ST7L: variants seen among roughly 807,000 people sequenced by gnomAD.
ST7L encodes suppressor of tumorigenicity 7 protein-like.
In ST7L, 57 loss-of-function variants were observed where a neutral mutation model predicts 72.5. That is an observed-to-expected ratio of 0.79 (90% CI 0.64 to 0.98). ST7L has a LOEUF of 0.98. Among genes scored for constraint, ST7L ranks in the 50% least tolerant of loss-of-function variants. The pLI, the probability that ST7L is intolerant of heterozygous loss-of-function variation, is 0.00. For synonymous variants in ST7L, 221 were observed against 240.9 expected (o/e 0.92, Z 0.77); for missense variants, 576 against 672.2 (o/e 0.86, Z 1.58).
intron 14 of ST7L, chr1:112,527,031 CCCT>C (rs1320740660): frequency 6.6e-6 from 1 of 152,200 alleles, no homozygotes; most frequent in Non-Finnish European, 1.5e-5. Flanking sequence ...TGCTCTCAAC[CCCT>C]CTTTGTTTTC....
At chr1:112,585,270 G>A (rs763083971) in intron 6 of ST7L, among the ~76,000 whole-genome samples, 4 of 152,096 alleles carry the variant, frequency 2.6e-5, no homozygotes, top group African/African-American at 2.4e-5. Context: ...TATCTAAGAC[G>A]GCACTGTCCA....
At chr1:112,548,704 G>A (rs1022934645) in intron 13 of ST7L, among the ~76,000 whole-genome samples, 15 of 152,076 alleles carry the variant, frequency 9.9e-5, no homozygotes, top group African/African-American at 3.4e-4. Context: ...TATAGCCTTC[G>A]GCATGGTTGC....
chr1:112,551,349 C>A (rs908746201), intron 12 of ST7L, among the ~76,000 whole-genome samples: 1 of 151,684 alleles, frequency 6.6e-6, no homozygotes, highest in Non-Finnish European at 1.5e-5. Context: ...GGGGTTTCAC[C>A]GTGTTAGCCA....
At chr1:112,592,531 T>C (rs1275425986) in intron 5 of ST7L, among the ~76,000 whole-genome samples, 2 of 152,224 alleles carry the variant, frequency 1.3e-5, no homozygotes, top group Admixed American at 6.5e-5. Flanking sequence ...GACAAACTGA[T>C]GAAAGTCAGC....
intron 9 of ST7L, among the ~76,000 whole-genome samples, chr1:112,580,530 G>C (rs1198620789): frequency 6.6e-6 from 1 of 152,150 alleles, no homozygotes; most frequent in Admixed American, 6.5e-5. Flanking sequence ...TTCAGCTTGA[G>C]GTTAAAAGCT....
At chr1:112,547,487 T>C (rs6661642) in intron 13 of ST7L, among the ~76,000 whole-genome samples, 35,773 of 149,256 alleles carry the variant, frequency 0.24, 4,385 homozygotes, top group Middle Eastern at 0.28. Context: ...GCCCCATGTC[T>C]GGCCCTTCTC....
intron 14 of ST7L, among the ~76,000 whole-genome samples, chr1:112,533,489 G>C (rs936404462): frequency 6.6e-6 from 1 of 151,680 alleles, no homozygotes; most frequent in Non-Finnish European, 1.5e-5. Flanking sequence ...GCCAATTTTT[G>C]TATTTTTAGT....
intron 1 of ST7L, chr1:112,617,973 A>C (rs1012807607): frequency 3.1e-6 from 4 of 1,301,756 alleles, no homozygotes; most frequent in Non-Finnish European, 4.1e-6. Flanking sequence ...CCTATCCTCC[A>C]AAAAAACCAA....
At chr1:112,572,546 A>G (rs1662318935) in intron 11 of ST7L, among the ~76,000 whole-genome samples, 1 of 152,250 alleles carries the variant, frequency 6.6e-6, no homozygotes, top group African/African-American at 2.4e-5. Flanking sequence ...TGGAATAAAT[A>G]TAACTCTAAA....
chr1:112,555,900 G>A lies in ST7L; in HGVS notation c.1364C>T (p.Ala455Val). Reference sequence around the variant, plus strand: ...CCATGTACACTGTAACAGATTAAGAGCACCTTCTATTCGTTTCCAGTGCTG... The same window carrying A: ...CCATGTACACTGTAACAGATTAAGAACACCTTCTATTCGTTTCCAGTGCTG... ...HLQHWKRIEGALNLLQCTWEG... is the reference protein window; with the variant it reads ...HLQHWKRIEGVLNLLQCTWEG... The change falls in exon 12 of 15, where the codon GCT (alanine) becomes GTT (valine). Residue 455 changes from alanine to valine, a missense_variant. Physicochemically the swap from Ala to Val is moderately conservative, Grantham distance 64. This residue lies in a region of ST7L where 511 missense variants were observed against 600.7 expected (regional missense o/e 0.85). Coordinates refer to ENST00000358039, the MANE Select transcript of ST7L (RefSeq NM_017744.5). 6.2e-7 allele frequency: 1 copy of A among 1,609,364 alleles called. No individual in the cohort carries two copies. Among genetic ancestry groups the A allele is most frequent in the Non-Finnish European group, 8.5e-7 (1 of 1,177,516 alleles).
At position 112,525,995 on chromosome 1, in the gene ST7L, A is replaced by G; in HGVS notation, c.*18T>C. 6.2e-7 allele frequency: 1 copy of G among 1,613,952 alleles called. No individual in the cohort carries two copies. The highest frequency in any genetic ancestry group is 8.5e-7 in the Non-Finnish European group (1 of 1,179,876). ...AAAATTTGGTGATTTGTCCAAGGTC[A>G]CATGAACAGTGCGTGGCTCAGCCAG... is the stretch of plus-strand genomic sequence containing the variant. On this transcript the variant is annotated 3_prime_UTR_variant, in exon 15 of 15. Coordinates refer to ENST00000358039, the MANE Select transcript of ST7L (RefSeq NM_017744.5).
chr1:112,597,097 C>T (rs1453702424), intron 5 of ST7L, among the ~76,000 whole-genome samples: 4 of 152,162 alleles, frequency 2.6e-5, no homozygotes, highest in Non-Finnish European at 4.4e-5. Context: ...ATAACATTAA[C>T]AAATAAATGT....
chr1:112,555,338 G>T (rs2101597620), intron 12 of ST7L, among the ~76,000 whole-genome samples: 1 of 152,200 alleles, frequency 6.6e-6, no homozygotes, highest in African/African-American at 2.4e-5. Context: ...GGCAGAGGTG[G>T]GCGGATCACG....
intron 12 of ST7L, among the ~76,000 whole-genome samples, chr1:112,551,137 T>A (rs975491253): frequency 7.5e-6 from 1 of 132,956 alleles, no homozygotes; most frequent in South Asian, 2.4e-4. Context: ...TATGAGCAGA[T>A]CTTTTTTTTT....
intron 11 of ST7L, among the ~76,000 whole-genome samples, chr1:112,565,211 ATTTTTTTTTTTTT>A (rs777969643): frequency 4.7e-4 from 27 of 57,954 alleles, no homozygotes; most frequent in East Asian, 3.7e-3. Context: ...TGTTCGGCTA[ATTTTTTTTTTTTT>A]TTTTTTTTTT....
chr1:112,520,176 C>CA, downstream of ST7L: 2 of 1,210,388 alleles, frequency 1.7e-6, no homozygotes, highest in East Asian at 2.6e-5. Flanking sequence ...GTGCCCAGCC[C>CA]AAAAAAGCGA....
At chr1:112,548,606 TC>T (rs753067244) in intron 13 of ST7L, among the ~76,000 whole-genome samples, 11 of 152,254 alleles carry the variant, frequency 7.2e-5, no homozygotes, top group Non-Finnish European at 1.5e-4. Context: ...CCTGCAATTT[TC>T]CTTCCTAGAC....
chr1:112,546,111 G>C (rs1657004623), intron 13 of ST7L, among the ~76,000 whole-genome samples: 1 of 151,952 alleles, frequency 6.6e-6, no homozygotes, highest in Non-Finnish European at 1.5e-5. Context: ...TTGAGCTCAG[G>C]AGTTCAAGGC....
At chr1:112,559,514 G>C (rs983923238) in intron 11 of ST7L, among the ~76,000 whole-genome samples, 2 of 151,690 alleles carry the variant, frequency 1.3e-5, no homozygotes, top group African/African-American at 2.4e-5. Context: ...TTACAGGCAT[G>C]AGCCACCACG....
Sources: allele counts gnomAD v4.1 joint callset (sites outside exome capture counted in the v4.1 genomes callset), GRCh38; gene constraint gnomAD v4.1.1; regional missense constraint gnomAD v4.1.1; transcripts MANE v1.5; gene names NCBI Gene and HGNC (gene_info 2026-07-23, HGNC 2026-07-21).